Variants in TEK observed in about 807,000 individuals in gnomAD.
TEK encodes the protein TEK receptor tyrosine kinase.
In TEK, 43 loss-of-function variants were observed where a neutral mutation model predicts 131.8. That is an observed-to-expected ratio of 0.33 (90% CI 0.26 to 0.42). The LOEUF (loss-of-function observed/expected upper bound fraction) is 0.42. Ranked by LOEUF, TEK falls within the 10% of genes least tolerant of loss-of-function variation. The pLI, the probability that TEK is intolerant of heterozygous loss-of-function variation, is 1.00. For missense variants in TEK, 1,162 were observed against 1,384.4 expected (o/e 0.84, Z 2.55); for synonymous variants, 580 against 491.6 (o/e 1.18, Z -2.38).
chr9:27,129,492 A>G (rs866516357), intron 1 of TEK, among the ~76,000 whole-genome samples: 24 of 152,038 alleles, frequency 1.6e-4, no homozygotes, highest in Non-Finnish European at 2.9e-5. Context: ...CCCCTTGCAT[A>G]TATACCACTT....
At chr9:27,116,930 C>T (rs560324058) in intron 1 of TEK, among the ~76,000 whole-genome samples, 19 of 145,704 alleles carry the variant, frequency 1.3e-4, no homozygotes, top group African/African-American at 3.6e-4. Context: ...GGTGCGATCT[C>T]GGCTCACTGC....
At chr9:27,210,260 C>T (rs1476216213) in intron 16 of TEK, 2 of 83,040 alleles carry the variant, frequency 2.4e-5, no homozygotes, top group Non-Finnish European at 4.4e-5. Context: ...ATGAAAGTTA[C>T]ACACACACAC....
intron 1 of TEK, among the ~76,000 whole-genome samples, chr9:27,119,515 C>T (rs779043730): frequency 5.3e-5 from 8 of 152,318 alleles, no homozygotes; most frequent in South Asian, 2.1e-4. Context: ...TCCCTGGCTT[C>T]CCTTGGTGTC....
rs533452174 is a variant in TEK at position 27,190,049 on chromosome 9, G to A, written c.1328-480G>A. On this transcript the variant is annotated intron_variant, in intron 9 of 22. Transcript: ENST00000380036. ...CCACCTGTGAAATATTCACATCAGA[G>A]CTAAGAATTAACTGGGAGAATAATG... Among the ~76,000 whole-genome samples the A allele has an allele frequency of 2.0e-5, 3 of 152,296 alleles. No homozygotes were observed. In the South Asian group the frequency reaches 6.2e-4, roughly 32 times the overall value.
intron 1 of TEK, among the ~76,000 whole-genome samples, chr9:27,133,853 C>T (rs1419946571): frequency 6.6e-6 from 1 of 152,140 alleles, no homozygotes; most frequent in Non-Finnish European, 1.5e-5. Flanking sequence ...GATGCCTCTG[C>T]TTAAATAAAA....
chr9:27,199,236 ATAT>A (rs1397135616), intron 12 of TEK, among the ~76,000 whole-genome samples: 1 of 152,160 alleles, frequency 6.6e-6, no homozygotes, highest in Non-Finnish European at 1.5e-5. Context: ...CTTCTGTATA[ATAT>A]TCTATCTTAT....
intron 1 of TEK, among the ~76,000 whole-genome samples, chr9:27,139,209 T>G (rs1822624580): frequency 2.7e-5 from 1 of 36,688 alleles, no homozygotes; most frequent in African/African-American, 1.2e-4. Context: ...CGAGACTCTG[T>G]CTCAAAAAAA....
intron 1 of TEK, among the ~76,000 whole-genome samples, chr9:27,147,026 G>T (rs1472303284): frequency 6.6e-6 from 1 of 152,128 alleles, no homozygotes; most frequent in African/African-American, 2.4e-5. Context: ...ACTGCGCCCG[G>T]CCAACATTCA....
At chr9:27,180,842 C>T (rs1012306940) in intron 7 of TEK, among the ~76,000 whole-genome samples, 15 of 152,182 alleles carry the variant, frequency 9.9e-5, no homozygotes, top group Non-Finnish European at 2.1e-4. Flanking sequence ...CAAACTTTAA[C>T]CCACAGACTA....
chr9:27,167,173 A>G lies in TEK; in HGVS notation c.365-1322A>G, dbSNP rs147408391. Among the ~76,000 whole-genome samples, 13 of 152,334 alleles carry G rather than the reference A, an allele frequency of 8.5e-5. 1 individual carries two copies. The South Asian group carries it at 1.9e-3, about 22-fold the overall frequency. ...TCCAATAAGCCAAGGGAATCAGTCA[A>G]TGTTGCATGGCAAGCTTGACACAGT... On this transcript the variant is annotated intron_variant, in intron 2 of 22. Coordinates refer to ENST00000380036, the MANE Select transcript of TEK (RefSeq NM_000459.5).
At chr9:27,162,070 G>T (rs1823566577) in intron 2 of TEK, among the ~76,000 whole-genome samples, 2 of 152,200 alleles carry the variant, frequency 1.3e-5, no homozygotes, top group East Asian at 3.8e-4. Context: ...TCAGGCTGAT[G>T]AACAGGTTCT....
Position 27,183,626 on chromosome 9 carries a change from A to AAGCTG in TEK, c.1182+17_1182+18insGCTGA. 6.2e-7 allele frequency: 1 copy of AAGCTG among 1,613,646 alleles called. No individual in the cohort carries two copies. The highest frequency in any genetic ancestry group is 1.1e-5 in the South Asian group (1 of 91,076). On this transcript the variant is annotated intron_variant, in intron 8 of 22. Coordinates refer to ENST00000380036, the MANE Select transcript of TEK (RefSeq NM_000459.5). ...AGTGCTCCATGTAAGAGCCATTCTT[A>AAGCTG]ATTTGCCCTTCTTAAAGCATGAGAT...
At chr9:27,188,192 C>T (rs1218464996) in intron 9 of TEK, among the ~76,000 whole-genome samples, 1 of 152,148 alleles carries the variant, frequency 6.6e-6, no homozygotes, top group Non-Finnish European at 1.5e-5. Context: ...GAGGCTACCT[C>T]TGGGTAGAGG....
At chr9:27,152,247 C>T (rs1294812401) in intron 1 of TEK, among the ~76,000 whole-genome samples, 1 of 152,052 alleles carries the variant, frequency 6.6e-6, no homozygotes, top group Non-Finnish European at 1.5e-5. Flanking sequence ...GAATTCCACC[C>T]AATACTACAA....
chr9:27,197,644 C>G lies in TEK; in HGVS notation c.1909+45C>G, dbSNP rs1230539397. The G allele has an allele frequency of 2.5e-6, 4 of 1,610,022 alleles. No homozygotes were observed. The Admixed American group carries it at 6.7e-5, about 27-fold the overall frequency. The stretch of plus-strand genomic sequence containing the variant: ...CCAGCCTCATCTGAGCAATAAGGGG[C>G]TACCGCCATGCAGACTTAGCTAACA... On this transcript the variant is annotated intron_variant, in intron 12 of 22. Transcript: ENST00000380036.
intron 1 of TEK, among the ~76,000 whole-genome samples, chr9:27,117,886 G>C (rs929787935): frequency 6.6e-6 from 1 of 152,116 alleles, no homozygotes; most frequent in African/African-American, 2.4e-5. Flanking sequence ...CATGCTTCCT[G>C]GGGGGAGCAC....
intron 1 of TEK, among the ~76,000 whole-genome samples, chr9:27,157,130 A>G (rs1232763046): frequency 1.3e-5 from 2 of 152,200 alleles, no homozygotes; most frequent in African/African-American, 2.4e-5. Flanking sequence ...TTGTTTTTAC[A>G]TTTGGGGAGA....
intron 15 of TEK, among the ~76,000 whole-genome samples, chr9:27,207,250 C>G (rs1825431080): frequency 6.6e-6 from 1 of 152,198 alleles, no homozygotes; most frequent in African/African-American, 2.4e-5. Flanking sequence ...TTGGGGACCA[C>G]ATTTTGCAAA....
intron 1 of TEK, among the ~76,000 whole-genome samples, chr9:27,135,194 AGCCT>A: frequency 6.7e-6 from 1 of 148,552 alleles, no homozygotes; most frequent in Middle Eastern, 3.6e-3. Flanking sequence ...ACTGCACTCC[AGCCT>A]TGGTGACAGA....
Sources: gnomAD v4.1 joint callset for allele counts (sites outside exome capture counted in the v4.1 genomes callset) on GRCh38, gnomAD v4.1.1 for gene constraint, MANE v1.5 for transcripts, NCBI Gene and HGNC (gene_info 2026-07-23, HGNC 2026-07-21) for gene names.